Variants in IQCM observed in about 807,000 individuals in gnomAD.
IQCM encodes IQ motif containing M.
In IQCM, 45 loss-of-function variants were observed where a neutral mutation model predicts 57.6. That is an observed-to-expected ratio of 0.78 (90% CI 0.62 to 1.00). The LOEUF is 1.00. IQCM is among the 50% of genes least tolerant of loss of function. The pLI, the probability that IQCM is intolerant of heterozygous loss-of-function variation, is 0.00. For synonymous variants in IQCM, 148 were observed against 158.9 expected, an observed-to-expected ratio of 0.93 and a Z score of 0.51; for missense variants, 468 against 511.6, an observed-to-expected ratio of 0.91 and a Z score of 0.82.
intron 13 of IQCM, among the ~76,000 whole-genome samples, chr4:149,415,861 T>C (rs895714143): frequency 4.6e-5 from 7 of 151,886 alleles, no homozygotes; most frequent in African/African-American, 1.7e-4. Flanking sequence ...TAGTACACAC[T>C]TGGACACAGG....
intron 8 of IQCM, 112 bp downstream of exon 8, chr4:149,621,017 T>G: frequency 2.3e-6 from 1 of 428,962 alleles, no homozygotes; most frequent in East Asian, 3.6e-5. Context: ...AGAACTATCT[T>G]AGGACTGAAA....
chr4:149,588,000 A>T lies in IQCM; in HGVS notation c.682-3T>A. The T allele has an allele frequency of 8.2e-7, 1 of 1,212,272 alleles. No individual in the cohort carries two copies. The highest frequency in any genetic ancestry group is 1.0e-6 in the Non-Finnish European group (1 of 970,538). 75.1% of individuals were successfully genotyped at this position (1,212,272 alleles called of 1,614,324 possible). ...TTAATAAGGGTTTTAAAGGTTTTCT[A>T]TAATAAGGAAAAGAAGAGTTGACAT... On this transcript the variant is annotated splice_region_variant and splice_polypyrimidine_tract_variant and intron_variant, in intron 8 of 13. Transcript: ENST00000636793.
chr4:149,492,876 G>A (rs1742244131), intron 12 of IQCM, among the ~76,000 whole-genome samples: 2 of 152,112 alleles, frequency 1.3e-5, no homozygotes, highest in Admixed American at 1.3e-4. Context: ...GAAGGAAGAA[G>A]TCCCCAAACT....
intron 13 of IQCM, among the ~76,000 whole-genome samples, chr4:149,368,766 AT>A (rs1660006278): frequency 8.4e-6 from 1 of 119,716 alleles, no homozygotes; most frequent in South Asian, 2.4e-4. Flanking sequence ...GTATATATAT[AT>A]ATACATATAT....
chr4:149,553,277 T>C lies in IQCM; in HGVS notation c.959A>G (p.His320Arg), dbSNP rs1749212492. ...AATAACTGCTTTCATATCTGGTCCA[T>C]GATCCAAAGCCTACAAAGACAGAAA... ...LQRVMTKALDHGPDMKAVINM... is the reference protein window; with the variant it reads ...LQRVMTKALDRGPDMKAVINM... The change falls in exon 11 of 14, where the codon CAT (histidine) becomes CGT (arginine). Residue 320 changes from histidine to arginine, a missense_variant. Transcript: ENST00000636793. The C allele has an allele frequency of 2.4e-6, 3 of 1,231,918 alleles. No individual in the cohort carries two copies. The highest frequency in any genetic ancestry group is 3.0e-6 in the Non-Finnish European group (3 of 987,776). The allele number at this position is 1,231,918 out of a possible 1,614,324, so 76.3% of individuals were successfully genotyped here.
chr4:149,782,486 T>C (rs1378929975), intron 2 of IQCM, among the ~76,000 whole-genome samples: 1 of 152,006 alleles, frequency 6.6e-6, no homozygotes, highest in Non-Finnish European at 1.5e-5. Context: ...GGCACACAGC[T>C]ATAGTCCCAG....
chr4:149,610,107 A>G, intron 8 of IQCM, among the ~76,000 whole-genome samples: 1 of 151,938 alleles, frequency 6.6e-6, no homozygotes, highest in East Asian at 1.9e-4. Context: ...TGAAAAAGAA[A>G]CCAACAAAGT....
intron 2 of IQCM, among the ~76,000 whole-genome samples, chr4:149,796,682 ACTCCAC>A (rs1773146950): frequency 6.6e-6 from 1 of 151,918 alleles, no homozygotes; most frequent in Non-Finnish European, 1.5e-5. Flanking sequence ...TTCTTGAGTC[ACTCCAC>A]CTCCAGCTTC....
intron 13 of IQCM, among the ~76,000 whole-genome samples, chr4:149,398,883 T>A (rs568337788): frequency 2.2e-4 from 34 of 151,960 alleles, no homozygotes; most frequent in African/African-American, 8.0e-4. Context: ...GTTTTTGTTG[T>A]TGTTGTTTTC....
intron 2 of IQCM, among the ~76,000 whole-genome samples, chr4:149,774,878 T>C (rs1309411481): frequency 6.6e-6 from 1 of 152,106 alleles, no homozygotes; most frequent in Non-Finnish European, 1.5e-5. Context: ...ATGTTTTAAT[T>C]TGTTTTTAAT....
chr4:149,568,887 T>C (rs1750889168), intron 9 of IQCM, among the ~76,000 whole-genome samples: 2 of 152,194 alleles, frequency 1.3e-5, no homozygotes, highest in Non-Finnish European at 2.9e-5. Context: ...CTTTGCAACG[T>C]GATTGTGCAG....
chr4:149,516,276 C>T lies in IQCM; in HGVS notation c.1228+32179G>A, dbSNP rs370369530. The stretch of plus-strand genomic sequence containing the variant: ...TTGTCCTCACTGGAATAGACACTTA[C>T]TCTGGATATGGGTTTGCCTATCCTG... On this transcript the variant is annotated intron_variant, in intron 12 of 13. Coordinates refer to ENST00000636793, the MANE Select transcript of IQCM (RefSeq NM_001363507.2). Among the ~76,000 whole-genome samples, 59 of 152,336 alleles carry T rather than the reference C, an allele frequency of 3.9e-4. 1 individual carries two copies. The South Asian group carries it at 0.012, about 30-fold the overall frequency.
chr4:149,693,115 T>G (rs921279473), intron 5 of IQCM, among the ~76,000 whole-genome samples: 2 of 152,168 alleles, frequency 1.3e-5, no homozygotes, highest in Admixed American at 1.3e-4. Flanking sequence ...TCACCTGAGC[T>G]CAATCATTTG....
At chr4:149,530,794 C>CG (rs1746655896) in intron 12 of IQCM, among the ~76,000 whole-genome samples, 1 of 9,394 alleles carries the variant, frequency 1.1e-4, no homozygotes, top group Non-Finnish European at 2.3e-4. Flanking sequence ...CAGACACCCC[C>CG]ACCCCCCCAC....
chr4:149,738,936 C>T (rs750295917), intron 3 of IQCM, among the ~76,000 whole-genome samples: 87 of 152,174 alleles, frequency 5.7e-4, no homozygotes, highest in Non-Finnish European at 1.1e-3. Flanking sequence ...GGACATGTAT[C>T]TATCCCACAA....
In IQCM at chr4:149,351,814, A is replaced by C. The variant is rs779713013; in HGVS notation, c.*137T>G. 2.6e-6 allele frequency: 1 copy of C among 379,944 alleles called. No individual in the cohort carries two copies. Among genetic ancestry groups the C allele is most frequent in the Non-Finnish European group, 4.6e-6 (1 of 217,230 alleles). 23.5% of individuals were successfully genotyped at this position (379,944 alleles called of 1,614,324 possible). A position where few individuals can be genotyped will look rare whatever the true frequency, so the allele number is the denominator to read the frequency against. ...CAAAAATACTAGAAATTATAGATAAACTTGTCAAAGTTCTTTCTATATTCA... is the reference window on the plus strand; with the variant it reads ...CAAAAATACTAGAAATTATAGATAACCTTGTCAAAGTTCTTTCTATATTCA... On this transcript the variant is annotated 3_prime_UTR_variant, in exon 14 of 14. Transcript: ENST00000636793.
chr4:149,500,846 A>T (rs1290553315), intron 12 of IQCM, among the ~76,000 whole-genome samples: 1 of 152,176 alleles, frequency 6.6e-6, no homozygotes, highest in African/African-American at 2.4e-5. Context: ...CAATTTCGTT[A>T]AAATATTCAG....
chr4:149,745,207 G>A (rs975262768), intron 2 of IQCM, among the ~76,000 whole-genome samples: 1 of 152,130 alleles, frequency 6.6e-6, no homozygotes, highest in Non-Finnish European at 1.5e-5. Flanking sequence ...CTCGTAGTCT[G>A]GGGGACATCA....
At chr4:149,385,310 C>T (rs140568854) in intron 13 of IQCM, among the ~76,000 whole-genome samples, 22 of 151,948 alleles carry the variant, frequency 1.4e-4, no homozygotes, top group Middle Eastern at 3.4e-3. Context: ...AGGAGACAGC[C>T]GAAAAACGAG....
Sources: allele counts gnomAD v4.1 joint callset (sites outside exome capture counted in the v4.1 genomes callset), GRCh38; gene constraint gnomAD v4.1.1; transcripts MANE v1.5; gene names NCBI Gene and HGNC (gene_info 2026-07-23, HGNC 2026-07-21).